The following TMEM255B variants were observed in gnomAD, a reference collection of about 807,000 sequenced individuals.
TMEM255B encodes family with sequence similarity 70, member B.
Under a neutral mutation model 34.5 loss-of-function variants are expected in TMEM255B, and 35 were observed. The observed-to-expected ratio is 1.01, with a 90% CI of 0.77 to 1.34. The LOEUF is 1.34. TMEM255B is among the 40% of genes most tolerant of loss of function. The pLI, the probability that TMEM255B is intolerant of heterozygous loss-of-function variation, is 0.00. For synonymous variants in TMEM255B, 206 were observed against 201.2 expected (o/e 1.02, Z -0.20); for missense variants, 432 against 433.2 (o/e 1.00, Z 0.02).
At chr13:113,759,664 G>C (rs562455448) in intron 1 of TMEM255B, among the ~76,000 whole-genome samples, 67 of 152,198 alleles carry the variant, frequency 4.4e-4, no homozygotes, top group African/African-American at 1.4e-3. Flanking sequence ...TTTATTATGA[G>C]GAACAGGCGC....
In TMEM255B at chr13:113,770,486, G is replaced by T. The variant is rs538876713; in HGVS notation, c.252+1326G>T. Reference sequence around the variant, plus strand: ...ACCCTTGGGCAGATGGAGCCTGACCGTGTGAGGGTGGGAGGTCCCTGGAGG... The same window carrying T: ...ACCCTTGGGCAGATGGAGCCTGACCTTGTGAGGGTGGGAGGTCCCTGGAGG... On this transcript the variant is annotated intron_variant, in intron 3 of 8. Transcript: ENST00000375353. This position sits in a 1 kb window ranked among gnomAD's most constrained non-coding sequence, Gnocchi z 4.6. Among the ~76,000 whole-genome samples the T allele has an allele frequency of 7.2e-5, 11 of 152,322 alleles. No homozygotes were observed. The South Asian group carries it at 1.2e-3, about 17-fold the overall frequency.
intron 7 of TMEM255B, among the ~76,000 whole-genome samples, chr13:113,804,445 TC>T (rs2051124857): frequency 6.6e-6 from 1 of 151,764 alleles, no homozygotes. Flanking sequence ...AGTGCTTTTT[TC>T]TCCCCCCCCA....
chr13:113,796,075 C>T (rs1457269131), intron 4 of TMEM255B, among the ~76,000 whole-genome samples: 4 of 145,636 alleles, frequency 2.7e-5, no homozygotes, highest in South Asian at 2.3e-4. Flanking sequence ...ACAGCACACA[C>T]ACAACAGAGC....
At chr13:113,791,702 T>A (rs9550256) in intron 3 of TMEM255B, among the ~76,000 whole-genome samples, 62,935 of 152,164 alleles carry the variant, frequency 0.41, 14,326 homozygotes, top group East Asian at 0.72. Flanking sequence ...ATTAGAAGGA[T>A]GGGTCGAGCG....
Position 113,770,647 on chromosome 13 carries a change from G to T in TMEM255B, c.252+1487G>T, listed in dbSNP as rs887096343. Among the ~76,000 whole-genome samples the T allele has an allele frequency of 1.3e-5, 2 of 152,208 alleles. No homozygotes were observed. The highest frequency in any genetic ancestry group is 4.8e-5 in the African/African-American group (2 of 41,452). On this transcript the variant is annotated intron_variant, in intron 3 of 8. Coordinates refer to ENST00000375353, the MANE Select transcript of TMEM255B (RefSeq NM_182614.4). This position sits in a 1 kb window ranked among gnomAD's most constrained non-coding sequence, Gnocchi z 4.6. Reference sequence around the variant, plus strand: ...GCAAAGAGACGGAGAGATAGGCCCGGCATTTCCTCTCCCACCCACCCCCTG... The same window carrying T: ...GCAAAGAGACGGAGAGATAGGCCCGTCATTTCCTCTCCCACCCACCCCCTG...
chr13:113,800,610 T>G lies in TMEM255B; in HGVS notation c.424-217T>G, dbSNP rs1009055859. On this transcript the variant is annotated intron_variant, in intron 5 of 8. Coordinates refer to ENST00000375353, the MANE Select transcript of TMEM255B (RefSeq NM_182614.4). Reference sequence around the variant, plus strand: ...CTCTGAGCCCCGATTATCCGGCCTCTGGGACCAGCCTGTGCCCCTGACCCC... The same window carrying G: ...CTCTGAGCCCCGATTATCCGGCCTCGGGGACCAGCCTGTGCCCCTGACCCC... 5.9e-5 allele frequency among the ~76,000 whole-genome samples: 9 copies of G among 152,278 alleles called. No individual in the cohort carries two copies. In the East Asian group the frequency reaches 1.7e-3, roughly 29 times the overall value.
chr13:113,770,301 G>A lies in TMEM255B; in HGVS notation c.252+1141G>A, dbSNP rs550772628. On this transcript the variant is annotated intron_variant, in intron 3 of 8. Transcript: ENST00000375353. The surrounding 1 kb of genome is among the most constrained non-coding windows in gnomAD (Gnocchi z 4.6). ...TTGTGAGACTTACTCACTATCATGA[G>A]AACAGCACAGGAAAGATCTGCCCCC... Among the ~76,000 whole-genome samples the A allele has an allele frequency of 3.9e-5, 6 of 152,240 alleles. No individual in the cohort carries two copies. The highest frequency in any genetic ancestry group is 2.0e-4 in the Admixed American group (3 of 15,284).
Position 113,791,368 on chromosome 13 carries a change from C to T in TMEM255B, c.253-3780C>T, listed in dbSNP as rs557147618. ...GGGTGGCACCTGCCGGCCGCCGAGC[C>T]GGACAGGGACGCTGGATCCTCCTGG... On this transcript the variant is annotated intron_variant, in intron 3 of 8. Coordinates refer to ENST00000375353, the MANE Select transcript of TMEM255B (RefSeq NM_182614.4). Among the ~76,000 whole-genome samples the T allele has an allele frequency of 7.2e-5, 11 of 152,348 alleles. 1 individual carries two copies. The highest frequency in any genetic ancestry group is 3.3e-4 in the Admixed American group (5 of 15,310).
chr13:113,762,102 C>G (rs1032109784), intron 1 of TMEM255B, among the ~76,000 whole-genome samples: 18 of 30,444 alleles, frequency 5.9e-4, no homozygotes, highest in Admixed American at 4.3e-3. Context: ...ATTTCCGGGA[C>G]AGGAAAAAAA....
chr13:113,814,619 G>A lies in TMEM255B; in HGVS notation c.*2716G>A, dbSNP rs1022324432. On this transcript the variant is annotated 3_prime_UTR_variant, in exon 9 of 9. Coordinates refer to ENST00000375353, the MANE Select transcript of TMEM255B (RefSeq NM_182614.4). ...CCAATGCCTGGCCTGCAGTGTGGGCGGCGGCTGCTCTCGAGGTGCACCTGT... is the reference window on the plus strand; with the variant it reads ...CCAATGCCTGGCCTGCAGTGTGGGCAGCGGCTGCTCTCGAGGTGCACCTGT... 2.6e-5 allele frequency: 4 copies of A among 152,326 alleles called. No individual in the cohort carries two copies. The highest frequency in any genetic ancestry group is 6.5e-5 in the Admixed American group (1 of 15,302). The allele number at this position is 152,326 out of a possible 1,614,324, so 9.4% of individuals were successfully genotyped here.
chr13:113,761,243 C>G, intron 1 of TMEM255B: 4 of 985,390 alleles, frequency 4.1e-6, no homozygotes, highest in Non-Finnish European at 4.8e-6. Flanking sequence ...CCAAGCAGTG[C>G]CACCTCCCAT....
In TMEM255B at chr13:113,814,868, TG is replaced by T. The variant is rs1186797200; in HGVS notation, c.*2971del. On this transcript the variant is annotated 3_prime_UTR_variant, in exon 9 of 9. Coordinates refer to ENST00000375353, the MANE Select transcript of TMEM255B (RefSeq NM_182614.4). ...GAGGGGATGGTGGGGCAGGGGGTGC[TG>T]GGGGGTTTGGGGGTGCTGTGGCCCC... 1.3e-4 allele frequency: 1 copy of T among 7,514 alleles called. No homozygotes were observed. Among genetic ancestry groups the T allele is most frequent in the Non-Finnish European group, 2.5e-4 (1 of 3,988 alleles). 0.5% of individuals were successfully genotyped at this position (7,514 alleles called of 1,614,324 possible). A position where few individuals can be genotyped will look rare whatever the true frequency, so the allele number is the denominator to read the frequency against.
At chr13:113,768,579 C>T (rs1039632280) in intron 2 of TMEM255B, among the ~76,000 whole-genome samples, 4 of 152,210 alleles carry the variant, frequency 2.6e-5, no homozygotes, top group African/African-American at 9.7e-5. Context: ...CCACACCTGG[C>T]ACCTCCCTGC....
chr13:113,779,297 C>G (rs2050630939), intron 3 of TMEM255B, among the ~76,000 whole-genome samples: 1 of 152,166 alleles, frequency 6.6e-6, no homozygotes, highest in African/African-American at 2.4e-5. Context: ...AATCCAGACC[C>G]TGTAGTTGAA....
chr13:113,763,438 G>A (rs1430080989), intron 1 of TMEM255B, among the ~76,000 whole-genome samples: 5 of 151,992 alleles, frequency 3.3e-5, no homozygotes, highest in African/African-American at 1.2e-4. Flanking sequence ...TTCTCACCTC[G>A]ACTTCCCGAC....
intron 3 of TMEM255B, among the ~76,000 whole-genome samples, chr13:113,776,752 G>C (rs1258419109): frequency 6.6e-6 from 1 of 152,172 alleles, no homozygotes; most frequent in Non-Finnish European, 1.5e-5. Flanking sequence ...GGGCGCAGGC[G>C]ACCTGTTCCT....
intron 3 of TMEM255B, among the ~76,000 whole-genome samples, chr13:113,793,577 G>C (rs1478451720): frequency 6.6e-6 from 1 of 152,218 alleles, no homozygotes; most frequent in South Asian, 2.1e-4. Context: ...CTGTGGACTC[G>C]CTCTCCGGCC....
At chr13:113,799,295 G>T (rs753916940) in intron 4 of TMEM255B, 44 bp from the exon 5 acceptor site, 1 of 1,599,874 alleles carries the variant, frequency 6.3e-7, no homozygotes, top group Admixed American at 1.7e-5. Context: ...TCTCCCGCCT[G>T]GAGGCACCTG....
At chr13:113,759,602 C>T (rs2050261479) in intron 1 of TMEM255B, among the ~76,000 whole-genome samples, 1 of 152,208 alleles carries the variant, frequency 6.6e-6, no homozygotes. Flanking sequence ...TCAGTCTTTG[C>T]CTTTCTCTGA....
Sources: allele counts gnomAD v4.1 joint callset (sites outside exome capture counted in the v4.1 genomes callset), GRCh38; gene constraint gnomAD v4.1.1; non-coding constraint Gnocchi (gnomAD v3.1); transcripts MANE v1.5; gene names NCBI Gene and HGNC (gene_info 2026-07-23, HGNC 2026-07-21).